DCLK3: variants seen among roughly 807,000 people sequenced by gnomAD.
DCLK3 encodes serine/threonine-protein kinase DCLK3.
A neutral mutation model predicts 46.4 loss-of-function variants in DCLK3; 30 were observed. The ratio of observed to expected loss-of-function variants is 0.65; its 90% confidence interval spans 0.48 to 0.88. DCLK3 has a LOEUF of 0.88. Among genes scored for constraint, DCLK3 ranks in the 40% least tolerant of loss-of-function variants. The pLI, the probability that DCLK3 is intolerant of heterozygous loss-of-function variation, is 0.00. For missense variants in DCLK3, 846 were observed against 907.1 expected (o/e 0.93, Z 0.87); for synonymous variants, 401 against 339.2 (o/e 1.18, Z -2.00).
intron 1 of DCLK3, among the ~76,000 whole-genome samples, chr3:36,748,993 G>A (rs1385148283): frequency 1.3e-5 from 2 of 152,146 alleles, no homozygotes; most frequent in Non-Finnish European, 2.9e-5. Context: ...CCTGGGGACA[G>A]CTTCTCTTTC....
Position 36,737,704 on chromosome 3 carries a change from G to C in DCLK3, c.1463C>G (p.Ala488Gly). The C allele has an allele frequency of 1.2e-6, 2 of 1,613,862 alleles. No individual in the cohort carries two copies. Among genetic ancestry groups the C allele is most frequent in the Non-Finnish European group, 1.7e-6 (2 of 1,179,972 alleles). Residue 488 changes from alanine (A) to glycine (G), a missense_variant, in exon 2 of 5, where the codon GCA becomes GGA. Ala to Gly is a moderately conservative substitution (Grantham distance 60). Coordinates refer to ENST00000636136, the MANE Select transcript of DCLK3 (RefSeq NM_001394672.2). The surrounding 1 kb of genome is among the most constrained non-coding windows in gnomAD (Gnocchi z 4.4). ...CGTCTTGGGCTCCTTTTCTAGCTTT[G>C]CAGGTTGGTCATCTCTGAGAGTCAT... ...RRMTLRDDQP[A>G]KLEKEPKTRP...
intron 2 of DCLK3, among the ~76,000 whole-genome samples, chr3:36,733,821 C>T (rs1300893588): frequency 6.6e-6 from 1 of 152,214 alleles, no homozygotes; most frequent in East Asian, 1.9e-4. Context: ...TACTCTAGGG[C>T]ACAATTATCA....
intron 1 of DCLK3, among the ~76,000 whole-genome samples, chr3:36,745,871 A>G (rs1559393275): frequency 6.6e-6 from 1 of 152,238 alleles, no homozygotes; most frequent in Non-Finnish European, 1.5e-5. Context: ...GTAAACGAAT[A>G]AAAAATTGGA....
chr3:36,737,349 T>C lies in DCLK3; in HGVS notation c.1818A>G (p.Gly606=). Residue 606 remains glycine, a synonymous_variant, in exon 2 of 5, where the codon GGA becomes GGG. Coordinates refer to ENST00000636136, the MANE Select transcript of DCLK3 (RefSeq NM_001394672.2). This position sits in a 1 kb window ranked among gnomAD's most constrained non-coding sequence, Gnocchi z 4.4. ...IYLILEYVQG[G]DLFDAIIESV... ...TTTCTATGATGGCGTCAAAAAGGTC[T>C]CCTCCCTGCACGTACTCCAGGATCA... is the stretch of plus-strand genomic sequence containing the variant. 1 of 1,614,132 alleles carries C rather than the reference T, an allele frequency of 6.2e-7. No homozygotes were observed. The highest frequency in any genetic ancestry group is 8.5e-7 in the Non-Finnish European group (1 of 1,180,034).
Position 36,736,089 on chromosome 3 carries a change from A to G in DCLK3, c.1959+1119T>C, listed in dbSNP as rs879546865. Among the ~76,000 whole-genome samples, 102 of 152,238 alleles carry G rather than the reference A, an allele frequency of 6.7e-4. 3 individuals carry two copies. Among genetic ancestry groups the G allele is most frequent in the Admixed American group, 6.2e-3 (95 of 15,284 alleles). On this transcript the variant is annotated intron_variant, in intron 2 of 4. Coordinates refer to ENST00000636136, the MANE Select transcript of DCLK3 (RefSeq NM_001394672.2). ...GCACACACTTGTACTCAAACACACT[A>G]AGTTTACCGACTCATTGTCATAAGG...
intron 3 of DCLK3, among the ~76,000 whole-genome samples, chr3:36,718,552 C>T (rs1356496093): frequency 2.0e-5 from 3 of 152,200 alleles, no homozygotes; most frequent in South Asian, 2.1e-4. Flanking sequence ...TCAGTTCAGG[C>T]GTTGTCAAAC....
rs531283784 is a variant in DCLK3 at position 36,752,715 on chromosome 3, C to T, written c.82+11467G>A. 3.9e-5 allele frequency among the ~76,000 whole-genome samples: 6 copies of T among 152,280 alleles called. No individual in the cohort carries two copies. The East Asian group carries it at 1.2e-3, about 29-fold the overall frequency. ...AAAGACCCTCAAATTGCTCCATCCC[C>T]CTCCCTCACCAGTCTGGTTTCTTTC... On this transcript the variant is annotated intron_variant, in intron 1 of 4. Coordinates refer to ENST00000636136, the MANE Select transcript of DCLK3 (RefSeq NM_001394672.2).
chr3:36,749,180 A>G (rs1197476011), intron 1 of DCLK3, among the ~76,000 whole-genome samples: 1 of 152,224 alleles, frequency 6.6e-6, no homozygotes, highest in Non-Finnish European at 1.5e-5. Context: ...GAGGAGATTC[A>G]TAGTAACCTT....
chr3:36,734,261 C>A (rs915668199), intron 2 of DCLK3, among the ~76,000 whole-genome samples: 2 of 152,152 alleles, frequency 1.3e-5, no homozygotes, highest in Non-Finnish European at 2.9e-5. Flanking sequence ...CTACCTCTGT[C>A]TGAAAAACCA....
Position 36,737,214 on chromosome 3 carries a change from G to C in DCLK3, c.1953C>G (p.Asn651Lys). ...SIVHRDLKPE[N>K]LLVQRNEDKS... ...ATCAAAAGTCAAGGCTTACCAAAAG[G>C]TTTTCCGGCTTGAGGTCCCGGTGGA... Residue 651 changes from asparagine (N) to lysine (K), a missense_variant, in exon 2 of 5, where the codon AAC (asparagine) becomes AAG (lysine). By Grantham distance (94) the Asn-to-Lys change is moderately conservative (BLOSUM62 0). This residue lies in a region of DCLK3 where 247 missense variants were observed against 322.8 expected (regional missense o/e 0.77). Transcript: ENST00000636136. This position sits in a 1 kb window ranked among gnomAD's most constrained non-coding sequence, Gnocchi z 4.4. The C allele has an allele frequency of 6.2e-7, 1 of 1,612,136 alleles. No individual in the cohort carries two copies. Among genetic ancestry groups the C allele is most frequent in the Non-Finnish European group, 8.5e-7 (1 of 1,178,514 alleles).
At chr3:36,745,232 A>AT (rs1701383521) in intron 1 of DCLK3, among the ~76,000 whole-genome samples, 1 of 152,178 alleles carries the variant, frequency 6.6e-6, no homozygotes, top group Non-Finnish European at 1.5e-5. Flanking sequence ...AATTAAAGAG[A>AT]TTTTACCTTT....
chr3:36,757,809 C>A (rs1201873099), intron 1 of DCLK3, among the ~76,000 whole-genome samples: 1 of 152,120 alleles, frequency 6.6e-6, no homozygotes, highest in Non-Finnish European at 1.5e-5. Flanking sequence ...CCACCCTCGA[C>A]CTCCAAGACC....
intron 2 of DCLK3, among the ~76,000 whole-genome samples, chr3:36,733,202 C>T (rs1701220658): frequency 6.6e-6 from 1 of 152,216 alleles, no homozygotes; most frequent in Admixed American, 6.5e-5. Context: ...TCAGGGATCT[C>T]TGCTCCCAGC....
chr3:36,721,696 T>C, intron 2 of DCLK3, 37 bp from the exon 3 acceptor site: 1 of 1,613,548 alleles, frequency 6.2e-7, no homozygotes, highest in Non-Finnish European at 8.5e-7. Context: ...ACCAAAATTG[T>C]GATTAGAACA....
At chr3:36,757,149 G>T (rs1701492852) in intron 1 of DCLK3, among the ~76,000 whole-genome samples, 1 of 152,070 alleles carries the variant, frequency 6.6e-6, no homozygotes, top group Non-Finnish European at 1.5e-5. Context: ...ATTAACATGA[G>T]ATTTTACTCT....
intron 4 of DCLK3, 104 bp from the exon 5 acceptor site, chr3:36,715,625 G>A: frequency 7.6e-7 from 1 of 1,308,226 alleles, no homozygotes. Flanking sequence ...CAGCACCACG[G>A]CTGGCTGAAA....
Position 36,739,060 on chromosome 3 carries a change from G to C in DCLK3, c.107C>G (p.Ser36Cys). Reference sequence around the variant, plus strand: ...GATTCTCGAGCTTAAATATTTTAGAGAATGGTCACATAGGCCTTGCTGTCC... The same window carrying C: ...GATTCTCGAGCTTAAATATTTTAGACAATGGTCACATAGGCCTTGCTGTCC... The part of the protein sequence containing the change: ...APGQQGLCDH[S>C]LKYLSSRITE... The change falls in exon 2 of 5, where the codon TCT becomes TGT. Residue 36 changes from serine to cysteine, a missense_variant. Coordinates refer to ENST00000636136, the MANE Select transcript of DCLK3 (RefSeq NM_001394672.2). 2.5e-6 allele frequency: 1 copy of C among 398,694 alleles called. No homozygotes were observed. Among genetic ancestry groups the C allele is most frequent in the Non-Finnish European group, 4.4e-6 (1 of 226,076 alleles). 24.7% of individuals were successfully genotyped at this position (398,694 alleles called of 1,614,324 possible).
rs1700955833 is a variant in DCLK3, at chr3:36,714,939, C to T, written c.*389G>A. 3 of 173,646 alleles carry T rather than the reference C, an allele frequency of 1.7e-5. No homozygotes were observed. The highest frequency in any genetic ancestry group is 1.8e-4 in the East Asian group (1 of 5,620). The allele number at this position is 173,646 out of a possible 1,614,324, so 10.8% of individuals were successfully genotyped here. On this transcript the variant is annotated 3_prime_UTR_variant, in exon 5 of 5. Coordinates refer to ENST00000636136, the MANE Select transcript of DCLK3 (RefSeq NM_001394672.2). ...ACAGGCCCACTTCTGTTATTCAGAG[C>T]ACATTTTATTAACACAGAAAGACCA... is the stretch of plus-strand genomic sequence containing the variant.
rs200698341 is a variant in DCLK3, at chr3:36,738,281, C to A, written c.886G>T (p.Val296Leu). 73 of 1,528,432 alleles carry A rather than the reference C, an allele frequency of 4.8e-5. No individual in the cohort carries two copies. The highest frequency in any genetic ancestry group is 2.6e-5 in the South Asian group (2 of 75,784). The allele number at this position is 1,528,432 out of a possible 1,614,324, so 94.7% of individuals were successfully genotyped here. The change falls in exon 2 of 5, where the codon GTG (valine) becomes TTG (leucine). Residue 296 changes from valine (V) to leucine (L), a missense_variant. By Grantham distance (32) the Val-to-Leu change is conservative (BLOSUM62 1). Coordinates refer to ENST00000636136, the MANE Select transcript of DCLK3 (RefSeq NM_001394672.2). ...TCACCCGAGGTCTTTTCAATCTCCA[C>A]CCCAAGATGCTTCTCTCCCCTTGCG... The part of the protein sequence containing the change: ...RHARGEKHLG[V>L]EIEKTSGEII...
Sources: gnomAD v4.1 joint callset for allele counts (sites outside exome capture counted in the v4.1 genomes callset) on GRCh38, gnomAD v4.1.1 for gene constraint, gnomAD v4.1.1 regional missense constraint, Gnocchi (gnomAD v3.1) non-coding constraint, MANE v1.5 for transcripts, NCBI Gene and HGNC (gene_info 2026-07-23, HGNC 2026-07-21) for gene names.